Variants in ABHD2 observed in about 807,000 individuals in gnomAD.
ABHD2 encodes abhydrolase domain containing 2, acylglycerol lipase.
ABHD2 carries 20 observed loss-of-function variants against 48.1 expected under a neutral mutation model. The ratio of observed to expected loss-of-function variants is 0.42; its 90% confidence interval spans 0.29 to 0.60. ABHD2 has a LOEUF of 0.60. Among genes scored for constraint, ABHD2 ranks in the 20% least tolerant of loss-of-function variants. ABHD2 has a pLI of 0.24. For synonymous variants in ABHD2, 209 were observed against 214.2 expected (o/e 0.98, Z 0.21); for missense variants, 405 against 550.9 (o/e 0.74, Z 2.65).
In ABHD2 at chr15:89,151,902, CT is replaced by C; in HGVS notation, c.370+51del. The C allele has an allele frequency of 6.3e-7, 1 of 1,594,054 alleles. No individual in the cohort carries two copies. Among genetic ancestry groups the C allele is most frequent in the Non-Finnish European group, 8.6e-7 (1 of 1,168,976 alleles). ...TGAGCCATCACTCAGAGAAGGAGCA[CT>C]AGTCAGTGGAGAGCACAGCAGTGTG... On this transcript the variant is annotated intron_variant, in intron 4 of 10. Coordinates refer to ENST00000352732, the MANE Select transcript of ABHD2 (RefSeq NM_152924.5). This position sits in a 1 kb window ranked among gnomAD's most constrained non-coding sequence, Gnocchi z 4.7.
Position 89,188,392 on chromosome 15 carries a change from C to A in ABHD2, c.926+89C>A. The A allele has an allele frequency of 8.7e-7, 1 of 1,146,474 alleles. No individual in the cohort carries two copies. The highest frequency in any genetic ancestry group is 1.3e-6 in the Non-Finnish European group (1 of 774,060). 71.0% of individuals were successfully genotyped at this position (1,146,474 alleles called of 1,614,324 possible). A position where few individuals can be genotyped will look rare whatever the true frequency, so the allele number is the denominator to read the frequency against. ...CAGCTGTGCCCAGCACTAGTGTTTG[C>A]TCTGCCTACTTGAGTGTTAAGGGTG... On this transcript the variant is annotated intron_variant, in intron 8 of 10. Coordinates refer to ENST00000352732, the MANE Select transcript of ABHD2 (RefSeq NM_152924.5). This position sits in a 1 kb window ranked among gnomAD's most constrained non-coding sequence, Gnocchi z 4.1.
At chr15:89,108,271 C>A (rs1259538692) in intron 1 of ABHD2, among the ~76,000 whole-genome samples, 1 of 152,180 alleles carries the variant, frequency 6.6e-6, no homozygotes, top group Admixed American at 6.5e-5. Flanking sequence ...AGACTGTTCC[C>A]TGCTTGTCTC....
rs2049709166 is a variant in ABHD2, at chr15:89,102,017, G to A, written c.-106-11708G>A. On this transcript the variant is annotated intron_variant, in intron 1 of 10. Coordinates refer to ENST00000352732, the MANE Select transcript of ABHD2 (RefSeq NM_152924.5). The surrounding 1 kb of genome is among the most constrained non-coding windows in gnomAD (Gnocchi z 4.8). ...CCTGTGTAGCGTCATTTTCCAGGCT[G>A]ATGTCTGGAATTCCCCTTGTAAGTA... Among the ~76,000 whole-genome samples, 1 of 152,210 alleles carries A rather than the reference G, an allele frequency of 6.6e-6. No individual in the cohort carries two copies. Among genetic ancestry groups the A allele is most frequent in the Non-Finnish European group, 1.5e-5 (1 of 68,040 alleles).
intron 5 of ABHD2, among the ~76,000 whole-genome samples, chr15:89,161,587 G>C (rs2050762719): frequency 6.6e-6 from 1 of 152,098 alleles, no homozygotes; most frequent in Non-Finnish European, 1.5e-5. Context: ...ATTTAGTAGA[G>C]ACAGGGTTTC....
intron 3 of ABHD2, among the ~76,000 whole-genome samples, chr15:89,132,716 C>A (rs976042181): frequency 2.0e-5 from 3 of 152,174 alleles, no homozygotes; most frequent in Admixed American, 6.5e-5. Flanking sequence ...GTGACACCAG[C>A]ACTGTCCTTT....
At chr15:89,059,735 A>G in the ABHD2 span, among the ~76,000 whole-genome samples, 3 of 152,178 alleles carry the variant, frequency 2.0e-5, no homozygotes, top group South Asian at 2.1e-4. Context: ...GCAGGCTGCC[A>G]TCGCAGAGGA....
At chr15:89,042,605 T>TTGG in the ABHD2 span, among the ~76,000 whole-genome samples, 1 of 85,660 alleles carries the variant, frequency 1.2e-5, no homozygotes, top group Non-Finnish European at 2.5e-5. Context: ...TTTATTTATT[T>TTGG]ATTTATTTAT....
At chr15:89,096,172 G>C (rs2049610633) in intron 1 of ABHD2, among the ~76,000 whole-genome samples, 1 of 152,174 alleles carries the variant, frequency 6.6e-6, no homozygotes, top group Non-Finnish European at 1.5e-5. Flanking sequence ...GCACAGGCAG[G>C]ACCACACTGA....
the ABHD2 span, among the ~76,000 whole-genome samples, chr15:89,065,074 G>C: frequency 4.1e-4 from 62 of 152,124 alleles, no homozygotes; most frequent in African/African-American, 1.5e-3. Context: ...AAGTCTACTG[G>C]ATAAAAGAAA....
At chr15:89,126,304 C>T (rs1055822271) in intron 3 of ABHD2, among the ~76,000 whole-genome samples, 2 of 152,192 alleles carry the variant, frequency 1.3e-5, no homozygotes, top group Admixed American at 6.5e-5. Flanking sequence ...CACCTTGGTT[C>T]ACCATTCATC....
chr15:89,070,951 A>G, the ABHD2 span, among the ~76,000 whole-genome samples: 1 of 150,888 alleles, frequency 6.6e-6, no homozygotes, highest in South Asian at 2.1e-4. Flanking sequence ...TTTCCTCCTA[A>G]TGAAGGCGTG....
chr15:89,123,673 T>C (rs1293652685), intron 3 of ABHD2, among the ~76,000 whole-genome samples: 6 of 149,506 alleles, frequency 4.0e-5, no homozygotes, highest in African/African-American at 1.5e-4. Context: ...TCATGGCTCA[T>C]TGTAGCCTCA....
rs1424187273 is a variant in ABHD2, at chr15:89,137,139, C to G, written c.195-14538C>G. 6.6e-6 allele frequency among the ~76,000 whole-genome samples: 1 copy of G among 152,126 alleles called. No homozygotes were observed. The highest frequency in any genetic ancestry group is 1.5e-5 in the Non-Finnish European group (1 of 68,016). ...ACGGATCCAGGGTTCCAGTGGAACC[C>G]TGGAGACTGGAACTCTGGAGCTTCT... On this transcript the variant is annotated intron_variant, in intron 3 of 10. Coordinates refer to ENST00000352732, the MANE Select transcript of ABHD2 (RefSeq NM_152924.5). This position sits in a 1 kb window ranked among gnomAD's most constrained non-coding sequence, Gnocchi z 4.8.
intron 3 of ABHD2, among the ~76,000 whole-genome samples, chr15:89,150,488 A>C (rs2050573310): frequency 6.6e-6 from 1 of 152,150 alleles, no homozygotes; most frequent in Non-Finnish European, 1.5e-5. Flanking sequence ...TACGCTGGCA[A>C]GTGGCTTCAT....
At position 89,181,610 on chromosome 15, in the gene ABHD2, G is replaced by T. The variant is rs75376868; in HGVS notation, c.723-3814G>T. Among the ~76,000 whole-genome samples, 1,183 of 152,232 alleles carry T rather than the reference G, an allele frequency of 7.8e-3. 17 individuals carry two copies. The highest frequency in any genetic ancestry group is 0.027 in the African/African-American group (1,130 of 41,538). The stretch of plus-strand genomic sequence containing the variant: ...ATATTTTTTCAAAGACCACAGGAAA[G>T]CTGTTTCACTATTCTTATAGTCTCT... On this transcript the variant is annotated intron_variant, in intron 6 of 10. Coordinates refer to ENST00000352732, the MANE Select transcript of ABHD2 (RefSeq NM_152924.5).
chr15:89,061,527 A>G, the ABHD2 span, among the ~76,000 whole-genome samples: 1 of 152,164 alleles, frequency 6.6e-6, no homozygotes, highest in African/African-American at 2.4e-5. Flanking sequence ...AACTCATGTA[A>G]TAAACCCGCA....
At chr15:89,098,391 C>G (rs572235342) in intron 1 of ABHD2, among the ~76,000 whole-genome samples, 1 of 152,072 alleles carries the variant, frequency 6.6e-6, no homozygotes, top group Non-Finnish European at 1.5e-5. Flanking sequence ...TTATTGAGCT[C>G]TTTCCCTGCT....
intron 1 of ABHD2, among the ~76,000 whole-genome samples, chr15:89,105,747 A>G (rs905515302): frequency 6.6e-6 from 1 of 152,202 alleles, no homozygotes; most frequent in Non-Finnish European, 1.5e-5. Flanking sequence ...TGAGTTAGTT[A>G]ATGTTCAAAA....
rs2050871400 is a variant in ABHD2 at position 89,168,540 on chromosome 15, C to T, written c.539-7272C>T. Among the ~76,000 whole-genome samples the T allele has an allele frequency of 6.6e-6, 1 of 152,154 alleles. No homozygotes were observed. Among genetic ancestry groups the T allele is most frequent in the Non-Finnish European group, 1.5e-5 (1 of 68,022 alleles). On this transcript the variant is annotated intron_variant, in intron 5 of 10. Transcript: ENST00000352732. The surrounding 1 kb of genome is among the most constrained non-coding windows in gnomAD (Gnocchi z 4.8). ...CCCTTCCCTTGCATGGGAGAGGTGG[C>T]ATCTCTTCACAGAACATCCAGCAGT...
Sources: allele counts gnomAD v4.1 joint callset (sites outside exome capture counted in the v4.1 genomes callset), GRCh38; gene constraint gnomAD v4.1.1; non-coding constraint Gnocchi (gnomAD v3.1); transcripts MANE v1.5; gene names NCBI Gene and HGNC (gene_info 2026-07-23, HGNC 2026-07-21).